Variants in DNAJC27 observed in about 807,000 individuals in gnomAD.
The protein encoded by DNAJC27 is dnaJ homolog subfamily C member 27.
Under a neutral mutation model 31.4 loss-of-function variants are expected in DNAJC27, and 25 were observed. The ratio of observed to expected loss-of-function variants is 0.80; its 90% confidence interval spans 0.58 to 1.11. The LOEUF (loss-of-function observed/expected upper bound fraction) is 1.11. Ranked by LOEUF, DNAJC27 falls within the 50% of genes most tolerant of loss-of-function variation. The probability of loss-of-function intolerance (pLI) is 0.00; values close to 1 mark genes in which losing one functional copy is unlikely to be tolerated. For synonymous variants in DNAJC27, 106 were observed against 112.7 expected (o/e 0.94, Z 0.37); for missense variants, 356 against 347.3 (o/e 1.02, Z -0.20).
chr2:24,957,881 C>G lies in DNAJC27; in HGVS notation c.334G>C (p.Ala112Pro). ...GGTCCAAGCTCTTGCTTCATTTCTG[C>G]CAGCCACGCATCAAGGGCGTCAAAG... ...DSFDALDAWL[A>P]EMKQELGPHG... Residue 112 changes from alanine to proline, a missense_variant, in exon 4 of 7, where the codon GCA becomes CCA. Transcript: ENST00000264711. 6.2e-7 allele frequency: 1 copy of G among 1,614,176 alleles called. No homozygotes were observed. Among genetic ancestry groups the G allele is most frequent in the Non-Finnish European group, 8.5e-7 (1 of 1,180,004 alleles).
At chr2:24,971,993 C>T, upstream of DNAJC27, 2 of 941,728 alleles carry the variant, frequency 2.1e-6, no homozygotes, top group Non-Finnish European at 2.9e-6. Flanking sequence ...ATGGCGGAGC[C>T]GCTGCTCTCG....
chr2:24,954,036 C>T (rs1478928733), intron 5 of DNAJC27, among the ~76,000 whole-genome samples: 1 of 152,130 alleles, frequency 6.6e-6, no homozygotes, highest in Admixed American at 6.5e-5. Flanking sequence ...CTGACCACAT[C>T]ACAGAGAGCT....
chr2:24,969,563 CA>C (rs1666274813), intron 1 of DNAJC27: 1 of 154,594 alleles, frequency 6.5e-6, no homozygotes, highest in Non-Finnish European at 1.4e-5. Flanking sequence ...CTGCAACCTC[CA>C]CCTCCCAGGT....
rs1665633647 is a variant in DNAJC27 at position 24,945,753 on chromosome 2, C to A, written c.*1863G>T. 1.3e-5 allele frequency: 2 copies of A among 152,176 alleles called. No homozygotes were observed. Among genetic ancestry groups the A allele is most frequent in the African/African-American group, 4.8e-5 (2 of 41,444 alleles). 9.4% of individuals were successfully genotyped at this position (152,176 alleles called of 1,614,324 possible). A position where few individuals can be genotyped will look rare whatever the true frequency, so the allele number is the denominator to read the frequency against. ...CATTTAAAAAGTTGTTTTGATATTA[C>A]CAAGATGAAAAGTGCGATGATAAAG... On this transcript the variant is annotated 3_prime_UTR_variant, in exon 7 of 7. Transcript: ENST00000264711.
At chr2:24,952,929 CT>C (rs917597065) in intron 5 of DNAJC27, among the ~76,000 whole-genome samples, 1 of 150,702 alleles carries the variant, frequency 6.6e-6, no homozygotes, top group African/African-American at 2.4e-5. Context: ...AATTTTTTTT[CT>C]TTTTTTTGAG....
intron 5 of DNAJC27, among the ~76,000 whole-genome samples, chr2:24,952,462 G>A (rs1665799549): frequency 6.6e-6 from 1 of 152,130 alleles, no homozygotes; most frequent in South Asian, 2.1e-4. Flanking sequence ...ATTGTATTGT[G>A]TAGCTGTCCC....
At chr2:24,961,115 CG>C (rs1441125370) in intron 3 of DNAJC27, among the ~76,000 whole-genome samples, 2 of 152,158 alleles carry the variant, frequency 1.3e-5, no homozygotes, top group African/African-American at 4.8e-5. Flanking sequence ...AGAGCTGTTA[CG>C]GGCTATATGA....
Position 24,944,358 on chromosome 2 carries a change from T to C in DNAJC27, c.*3258A>G, listed in dbSNP as rs1665597435. The C allele has an allele frequency of 6.6e-6, 1 of 152,296 alleles. No individual in the cohort carries two copies. Among genetic ancestry groups the C allele is most frequent in the Non-Finnish European group, 1.5e-5 (1 of 67,970 alleles). 9.4% of individuals were successfully genotyped at this position (152,296 alleles called of 1,614,324 possible). On this transcript the variant is annotated 3_prime_UTR_variant, in exon 7 of 7. Transcript: ENST00000264711. ...GTTCAATGGGGCACAGCTCCTTTTT[T>C]TTTTTTTTCTTTTTTTTAAAAAACT... is the stretch of plus-strand genomic sequence containing the variant.
rs1284804985 is a variant in DNAJC27 at position 24,962,227 on chromosome 2, T to G, written c.240+1178A>C. Among the ~76,000 whole-genome samples the G allele has an allele frequency of 4.7e-3, 706 of 149,118 alleles. 3 individuals are homozygous for G. The highest frequency in any genetic ancestry group is 7.7e-3 in the Non-Finnish European group (509 of 66,394). ...AACATACTTTTTTTCTTTTGTTTTT[T>G]TTTGTGTTTTTTGTTTGTTTGTTTG... is the stretch of plus-strand genomic sequence containing the variant. On this transcript the variant is annotated intron_variant, in intron 3 of 6. Transcript: ENST00000264711.
intron 5 of DNAJC27, among the ~76,000 whole-genome samples, chr2:24,952,347 T>C (rs1309064145): frequency 6.6e-6 from 1 of 152,180 alleles, no homozygotes; most frequent in Non-Finnish European, 1.5e-5. Context: ...GAGATCAGAC[T>C]AAACACATCT....
In DNAJC27 at chr2:24,946,848, C is replaced by G. The variant is rs1381583916; in HGVS notation, c.*768G>C. On this transcript the variant is annotated 3_prime_UTR_variant, in exon 7 of 7. Coordinates refer to ENST00000264711, the MANE Select transcript of DNAJC27 (RefSeq NM_016544.3). ...CTGTCTTGGGGCCTGATTCCTCATT[C>G]CCAGGTGCACAGTGCTCTCTACTGC... The G allele has an allele frequency of 3.3e-5, 5 of 152,176 alleles. No individual in the cohort carries two copies. Among genetic ancestry groups the G allele is most frequent in the Admixed American group, 3.3e-4 (5 of 15,270 alleles). 9.4% of individuals were successfully genotyped at this position (152,176 alleles called of 1,614,324 possible).
intron 3 of DNAJC27, among the ~76,000 whole-genome samples, chr2:24,961,115 C>T (rs907423394): frequency 1.3e-5 from 2 of 152,158 alleles, no homozygotes; most frequent in Admixed American, 6.5e-5. Context: ...AGAGCTGTTA[C>T]GGGCTATATG....
rs749478598 is a variant in DNAJC27, at chr2:24,971,854, G to A, written c.51C>T (p.Ile17=). The A allele has an allele frequency of 1.3e-5, 21 of 1,609,338 alleles. No individual in the cohort carries two copies. Among genetic ancestry groups the A allele is most frequent in the Non-Finnish European group, 1.7e-5 (20 of 1,178,344 alleles). ...KRKEPGRSLR[I]KVISMGNAEV... is the part of the protein sequence containing the mutation. ...CGGCGTTGCCCATGGAGATGACTTT[G>A]ATGCGGAGAGACCTGCCGGGCTCCT... The change falls in exon 1 of 7, where the codon ATC becomes ATT. Residue 17 remains isoleucine, a synonymous_variant. Coordinates refer to ENST00000264711, the MANE Select transcript of DNAJC27 (RefSeq NM_016544.3).
chr2:24,964,333 A>T (rs896521592), intron 2 of DNAJC27, among the ~76,000 whole-genome samples: 7 of 151,816 alleles, frequency 4.6e-5, no homozygotes, highest in Non-Finnish European at 8.8e-5. Flanking sequence ...GAGGCAGGAG[A>T]ATGGCATGAA....
chr2:24,963,163 T>G (rs1379500567), intron 3 of DNAJC27: 10 of 418,914 alleles, frequency 2.4e-5, no homozygotes, highest in Admixed American at 1.2e-4. Context: ...CCTCTGAAAG[T>G]CAAAATGTCT....
rs1665652459 is a variant in DNAJC27 at position 24,946,402 on chromosome 2, A to C, written c.*1214T>G. 6.6e-6 allele frequency: 1 copy of C among 152,380 alleles called. No homozygotes were observed. The highest frequency in any genetic ancestry group is 1.5e-5 in the Non-Finnish European group (1 of 68,180). The allele number at this position is 152,380 out of a possible 1,614,324, so 9.4% of individuals were successfully genotyped here. A position where few individuals can be genotyped will look rare whatever the true frequency, so the allele number is the denominator to read the frequency against. On this transcript the variant is annotated 3_prime_UTR_variant, in exon 7 of 7. Coordinates refer to ENST00000264711, the MANE Select transcript of DNAJC27 (RefSeq NM_016544.3). ...CCAGAAGCCAGGGACTCTAGAGGAG[A>C]GAAATGATGGCAGATGTGGGGTTCA... is the stretch of plus-strand genomic sequence containing the variant.
chr2:24,971,627 G>T (rs770949618), intron 1 of DNAJC27, 191 bp downstream of exon 1: 7 of 500,260 alleles, frequency 1.4e-5, no homozygotes, highest in Middle Eastern at 5.2e-4. Flanking sequence ...GTCGGAGGAC[G>T]AGGGGGCAAC....
intron 5 of DNAJC27, among the ~76,000 whole-genome samples, chr2:24,954,953 C>A (rs373210716): frequency 5.3e-5 from 8 of 152,040 alleles, no homozygotes; most frequent in African/African-American, 9.6e-5. Context: ...GAAAAAAAAA[C>A]CAACGGTCTT....
intron 2 of DNAJC27, 65 bp downstream of exon 2, chr2:24,967,146 T>C (rs1353825273): frequency 2.4e-5 from 30 of 1,246,254 alleles, no homozygotes; most frequent in Non-Finnish European, 3.2e-5. Context: ...GATGCAAATA[T>C]GGATCATTTT....
Sources: allele counts gnomAD v4.1 joint callset (sites outside exome capture counted in the v4.1 genomes callset), GRCh38; gene constraint gnomAD v4.1.1; transcripts MANE v1.5; gene names NCBI Gene and HGNC (gene_info 2026-07-23, HGNC 2026-07-21).